SOS1: variants seen among roughly 807,000 people sequenced by gnomAD.
The protein encoded by SOS1 is son of sevenless homolog 1.
A neutral mutation model predicts 157.6 loss-of-function variants in SOS1; 25 were observed. The observed-to-expected ratio is 0.16, with a 90% CI of 0.12 to 0.22. The LOEUF (loss-of-function observed/expected upper bound fraction) is 0.22, where lower values mean the gene tolerates loss of function less well. Among genes scored for constraint, SOS1 ranks in the 10% least tolerant of loss-of-function variants. The pLI is 1.00. For synonymous variants in SOS1, 528 were observed against 534.0 expected (o/e 0.99, Z 0.16); for missense variants, 1,237 against 1,599.1 (o/e 0.77, Z 3.86).
intron 20 of SOS1, among the ~76,000 whole-genome samples, chr2:38,991,905 G>C (rs905708573): frequency 6.6e-6 from 1 of 152,068 alleles, no homozygotes; most frequent in Non-Finnish European, 1.5e-5. Context: ...TTTAAAAGTA[G>C]ATTATTTTGG....
intron 10 of SOS1, among the ~76,000 whole-genome samples, chr2:39,020,273 A>C (rs558709900): frequency 1.2e-3 from 186 of 151,764 alleles, no homozygotes; most frequent in African/African-American, 4.0e-3. Context: ...AAGTTGGCTG[A>C]CACCACAGTG....
At chr2:39,080,726 G>C (rs1291052034) in intron 1 of SOS1, among the ~76,000 whole-genome samples, 1 of 151,886 alleles carries the variant, frequency 6.6e-6, no homozygotes, top group African/African-American at 2.4e-5. Flanking sequence ...TTAGGCATAT[G>C]AGATTTTACA....
intron 20 of SOS1, chr2:38,993,833 C>T (rs1225323321): frequency 6.6e-6 from 1 of 152,018 alleles, no homozygotes; most frequent in Non-Finnish European, 1.5e-5. Flanking sequence ...ATTAGCACAT[C>T]GAGCTAAGAT....
At chr2:39,087,620 C>T (rs956434277) in intron 1 of SOS1, among the ~76,000 whole-genome samples, 3 of 152,230 alleles carry the variant, frequency 2.0e-5, no homozygotes, top group Admixed American at 1.3e-4. Flanking sequence ...TGGCAATTAT[C>T]ACCACCAGAG....
At position 39,013,915 on chromosome 2, in the gene SOS1, G is replaced by C; in HGVS notation, c.2015C>G (p.Ala672Gly). Residue 672 changes from alanine (A) to glycine (G), a missense_variant, in exon 12 of 23, where the codon GCA (alanine) becomes GGA (glycine). Physicochemically the swap from Ala to Gly is moderately conservative, Grantham distance 60 (BLOSUM62 0). Transcript: ENST00000402219. ...TTCTTTTCTAAATCTTTTCAGTTCT[G>C]CACTCAAGGGTTGATCTCCATTCTC... The part of the protein sequence containing the change: ...AIENGDQPLS[A>G]ELKRFRKEYI... 1 of 1,606,876 alleles carries C rather than the reference G, an allele frequency of 6.2e-7. No homozygotes were observed. The highest frequency in any genetic ancestry group is 8.5e-7 in the Non-Finnish European group (1 of 1,173,912).
intron 1 of SOS1, among the ~76,000 whole-genome samples, chr2:39,100,934 T>C (rs565764786): frequency 6.6e-6 from 1 of 152,116 alleles, no homozygotes; most frequent in African/African-American, 2.4e-5. Context: ...AATAATAAAA[T>C]ACAGCAAGGA....
chr2:39,124,490 G>T (rs1397151377), upstream of SOS1: 1 of 152,316 alleles, frequency 6.6e-6, no homozygotes, highest in African/African-American at 2.4e-5. Context: ...GGAGTAGGGC[G>T]GCGAGGACGG....
chr2:39,077,847 G>T (rs1031289794), intron 1 of SOS1, among the ~76,000 whole-genome samples: 1 of 152,118 alleles, frequency 6.6e-6, no homozygotes, highest in African/African-American at 2.4e-5. Context: ...AAAAGATTCA[G>T]AAACTTTTAG....
chr2:39,034,369 AAT>A (rs1284007174), intron 8 of SOS1, among the ~76,000 whole-genome samples: 3 of 152,228 alleles, frequency 2.0e-5, no homozygotes, highest in African/African-American at 7.2e-5. Flanking sequence ...GCAAACTATA[AAT>A]ATGATTTCCA....
At chr2:39,019,021 G>T (rs1000285499) in intron 10 of SOS1, among the ~76,000 whole-genome samples, 7 of 151,642 alleles carry the variant, frequency 4.6e-5, no homozygotes, top group African/African-American at 1.7e-4. Flanking sequence ...AGCTTATATA[G>T]GACACAAACT....
At chr2:39,102,760 C>G (rs1673020022) in intron 1 of SOS1, among the ~76,000 whole-genome samples, 1 of 151,874 alleles carries the variant, frequency 6.6e-6, no homozygotes, top group East Asian at 1.9e-4. Flanking sequence ...TCCTGGCCAA[C>G]AAGGCAAAAC....
chr2:39,116,557 A>G (rs947506009), intron 1 of SOS1, among the ~76,000 whole-genome samples: 3 of 152,242 alleles, frequency 2.0e-5, no homozygotes, highest in Non-Finnish European at 4.4e-5. Context: ...TAAAATTAAA[A>G]TGTGCTGTTA....
intron 15 of SOS1, among the ~76,000 whole-genome samples, chr2:39,009,047 C>A (rs1188782930): frequency 6.6e-6 from 1 of 151,836 alleles, no homozygotes; most frequent in Non-Finnish European, 1.5e-5. Context: ...AAAAAGATTT[C>A]TAAGTAGCCA....
rs748991529 is a variant in SOS1 at position 38,997,087 on chromosome 2, CA to C, written c.2965-50del. 33 of 1,120,358 alleles carry C rather than the reference CA, an allele frequency of 2.9e-5. No homozygotes were observed. In the South Asian group the frequency reaches 4.2e-4, roughly 14 times the overall value. The allele number at this position is 1,120,358 out of a possible 1,614,324, so 69.4% of individuals were successfully genotyped here. A position where few individuals can be genotyped will look rare whatever the true frequency, so the allele number is the denominator to read the frequency against. ...TTATTAATATTCAAAATTATAAATT[CA>C]GTTTGAAATTCATGGAAAGTTAAGA... is the stretch of plus-strand genomic sequence containing the variant. On this transcript the variant is annotated intron_variant, in intron 18 of 22. Coordinates refer to ENST00000402219, the MANE Select transcript of SOS1 (RefSeq NM_005633.4).
chr2:39,098,518 A>G (rs1018134045), intron 1 of SOS1: 2 of 152,396 alleles, frequency 1.3e-5, no homozygotes, highest in Non-Finnish European at 2.9e-5. Flanking sequence ...TACTATATCT[A>G]TAAGAAGACT....
chr2:39,038,747 A>AAAAAAAAAAAAAAAAAAAAAAAAATG (rs1558482387), intron 6 of SOS1, among the ~76,000 whole-genome samples: 1 of 147,480 alleles, frequency 6.8e-6, no homozygotes, highest in Non-Finnish European at 1.5e-5. Context: ...AAAAAAAAAA[A>AAAAAAAAAAAAAAAAAAAAAAAAATG]AGTCGTTTCT....
chr2:39,110,380 G>C (rs1437867634), intron 1 of SOS1, among the ~76,000 whole-genome samples: 1 of 152,100 alleles, frequency 6.6e-6, no homozygotes, highest in African/African-American at 2.4e-5. Flanking sequence ...TTGATCCACA[G>C]TTGTTTGAAT....
At chr2:39,065,693 T>C in intron 2 of SOS1, among the ~76,000 whole-genome samples, 1 of 152,204 alleles carries the variant, frequency 6.6e-6, no homozygotes, top group East Asian at 1.9e-4. Flanking sequence ...AAAGCTAGAC[T>C]TTCTGGTTAA....
intron 17 of SOS1, among the ~76,000 whole-genome samples, chr2:38,999,633 T>C (rs951597980): frequency 2.0e-5 from 3 of 152,234 alleles, no homozygotes; most frequent in African/African-American, 7.2e-5. Flanking sequence ...ATTTGGCTTT[T>C]ATTTTCAGCC....
Sources: gnomAD v4.1 joint callset for allele counts (sites outside exome capture counted in the v4.1 genomes callset) on GRCh38, gnomAD v4.1.1 for gene constraint, MANE v1.5 for transcripts, NCBI Gene and HGNC (gene_info 2026-07-23, HGNC 2026-07-21) for gene names.